B4GALT6: variants seen among roughly 807,000 people sequenced by gnomAD.
The protein encoded by B4GALT6 is beta-1,4-galactosyltransferase 6, also known as UDP-Gal:beta-GlcNAc beta-1,4-galactosyltransferase 6.
A neutral mutation model predicts 46.3 loss-of-function variants in B4GALT6; 14 were observed. The observed-to-expected ratio is 0.30, with a 90% CI of 0.20 to 0.47. B4GALT6 has a LOEUF of 0.47. Among genes scored for constraint, B4GALT6 ranks in the 20% least tolerant of loss-of-function variants. B4GALT6 has a pLI of 0.99. For synonymous variants in B4GALT6, 168 were observed against 162.0 expected (o/e 1.04, Z -0.28); for missense variants, 386 against 480.1 (o/e 0.80, Z 1.83).
the B4GALT6 span, among the ~76,000 whole-genome samples, chr18:31,715,866 A>C: frequency 3.9e-5 from 6 of 151,938 alleles, no homozygotes; most frequent in Non-Finnish European, 5.9e-5. Context: ...GTCTTTTTTA[A>C]TGGAATCACA....
chr18:31,688,204 G>C (rs1261053486), upstream of B4GALT6, among the ~76,000 whole-genome samples: 1 of 148,346 alleles, frequency 6.7e-6, no homozygotes, highest in Non-Finnish European at 1.5e-5. Context: ...AAAGACATTG[G>C]CATGATTCAT....
the B4GALT6 span, among the ~76,000 whole-genome samples, chr18:31,708,473 G>A: frequency 6.6e-5 from 10 of 152,114 alleles, no homozygotes; most frequent in African/African-American, 2.2e-4. Context: ...GCTGAGGCAG[G>A]ATAATTGCTT....
chr18:31,663,636 G>A (rs2074246174), intron 2 of B4GALT6, among the ~76,000 whole-genome samples: 1 of 152,138 alleles, frequency 6.6e-6, no homozygotes, highest in South Asian at 2.1e-4. Flanking sequence ...ATGAGCCACT[G>A]CATATTAATC....
the B4GALT6 span, among the ~76,000 whole-genome samples, chr18:31,697,247 T>C: frequency 6.6e-6 from 1 of 151,552 alleles, no homozygotes; most frequent in Non-Finnish European, 1.5e-5. Context: ...GACTGGGCAA[T>C]GGAGTGAGAC....
the B4GALT6 span, among the ~76,000 whole-genome samples, chr18:31,715,952 T>TA: frequency 1.3e-5 from 2 of 152,136 alleles, no homozygotes; most frequent in Non-Finnish European, 2.9e-5. Context: ...AACAACCTGG[T>TA]AGAGTAAAAC....
chr18:31,635,675 A>G (rs148538407), intron 5 of B4GALT6, among the ~76,000 whole-genome samples: 2 of 152,292 alleles, frequency 1.3e-5, no homozygotes, highest in African/African-American at 4.8e-5. Flanking sequence ...AAAATAAGCC[A>G]GGCATGATGG....
chr18:31,625,598 AC>A lies in B4GALT6; in HGVS notation c.*15del. ...ATCCAGCATTGTGGTCTACCTTGCC[AC>A]GACAGCCACTTCTTTTAATAGTCTT... On this transcript the variant is annotated 3_prime_UTR_variant, in exon 9 of 9. Transcript: ENST00000306851. The A allele has an allele frequency of 6.2e-7, 1 of 1,613,484 alleles. No individual in the cohort carries two copies. Among genetic ancestry groups the A allele is most frequent in the Non-Finnish European group, 8.5e-7 (1 of 1,179,806 alleles).
intron 4 of B4GALT6, among the ~76,000 whole-genome samples, chr18:31,640,586 T>C (rs2073917679): frequency 6.6e-6 from 1 of 152,212 alleles, no homozygotes; most frequent in South Asian, 2.1e-4. Flanking sequence ...CATATCTATC[T>C]GGCAAATGGT....
intron 3 of B4GALT6, among the ~76,000 whole-genome samples, chr18:31,651,432 T>C (rs548204082): frequency 1.3e-5 from 2 of 152,248 alleles, no homozygotes; most frequent in East Asian, 3.9e-4. Context: ...AACCTGTTAG[T>C]CACCTTCTAA....
At chr18:31,684,841 GCACGCCCGGCTCCGCTGCC>G (rs1460893990), upstream of B4GALT6, 5 of 889,346 alleles carry the variant, frequency 5.6e-6, no homozygotes, top group South Asian at 1.5e-4. Flanking sequence ...GCTAACTGCA[GCACGCCCGGCTCCGCTGCC>G]CGCGCCCGGC....
the B4GALT6 span, among the ~76,000 whole-genome samples, chr18:31,723,991 T>G: frequency 1.4e-5 from 2 of 143,500 alleles, no homozygotes; most frequent in Non-Finnish European, 3.1e-5. Flanking sequence ...TGCTGGAGTC[T>G]TGGGACCGCA....
the B4GALT6 span, among the ~76,000 whole-genome samples, chr18:31,700,468 T>TGTGTGTGTGTGTGTGTGA: frequency 5.4e-5 from 8 of 148,280 alleles, no homozygotes; most frequent in East Asian, 2.0e-4. Flanking sequence ...TGTGTGTGTG[T>TGTGTGTGTGTGTGTGTGA]GAGAGAGAGA....
chr18:31,684,986 T>G (rs2074528954), upstream of B4GALT6, among the ~76,000 whole-genome samples: 1 of 146,472 alleles, frequency 6.8e-6, no homozygotes, highest in South Asian at 2.1e-4. Context: ...GGGGCTAGCG[T>G]GGGCGCCGGG....
the B4GALT6 span, among the ~76,000 whole-genome samples, chr18:31,705,734 A>G: frequency 9.9e-5 from 15 of 152,236 alleles, no homozygotes; most frequent in Admixed American, 9.8e-4. Flanking sequence ...TACAAAAATT[A>G]AGAGCTTAGA....
chr18:31,675,262 C>T (rs1319740916), intron 1 of B4GALT6, among the ~76,000 whole-genome samples: 7 of 152,194 alleles, frequency 4.6e-5, no homozygotes, highest in African/African-American at 1.4e-4. Flanking sequence ...ACTGACTTTT[C>T]CAATGATCTT....
chr18:31,669,868 A>C (rs1371541537), intron 1 of B4GALT6, among the ~76,000 whole-genome samples: 1 of 152,190 alleles, frequency 6.6e-6, no homozygotes, highest in Non-Finnish European at 1.5e-5. Context: ...GCTACACCAA[A>C]CTGTGAAAAG....
At chr18:31,682,611 A>T (rs1166528566) in intron 1 of B4GALT6, among the ~76,000 whole-genome samples, 14 of 151,072 alleles carry the variant, frequency 9.3e-5, no homozygotes, top group Admixed American at 8.6e-4. Flanking sequence ...CACTAACTTT[A>T]AAAAAAAAGG....
At chr18:31,650,721 C>T (rs1447195833) in intron 3 of B4GALT6, among the ~76,000 whole-genome samples, 2 of 152,226 alleles carry the variant, frequency 1.3e-5, no homozygotes, top group Non-Finnish European at 2.9e-5. Context: ...AGAACCCTGA[C>T]TTTTGCAGTC....
At chr18:31,632,144 C>T (rs975875902) in intron 5 of B4GALT6, among the ~76,000 whole-genome samples, 5 of 152,048 alleles carry the variant, frequency 3.3e-5, no homozygotes, top group African/African-American at 9.7e-5. Context: ...AAAAGGATTA[C>T]GATAGAAGTA....
Sources: gnomAD v4.1 joint callset for allele counts (sites outside exome capture counted in the v4.1 genomes callset) on GRCh38, gnomAD v4.1.1 for gene constraint, MANE v1.5 for transcripts, NCBI Gene and HGNC (gene_info 2026-07-23, HGNC 2026-07-21) for gene names.